The following VIPAS39 variants were observed in gnomAD, a reference collection of about 807,000 sequenced individuals.
VIPAS39 encodes VPS33B interacting protein, apical-basolateral polarity regulator, spe-39 homolog, also known as spermatogenesis-defective protein 39 homolog.
A neutral mutation model predicts 84.7 loss-of-function variants in VIPAS39; 63 were observed. That is an observed-to-expected ratio of 0.74 (90% CI 0.61 to 0.92). The LOEUF (loss-of-function observed/expected upper bound fraction) is 0.92, where lower values mean the gene tolerates loss of function less well. Ranked by LOEUF, VIPAS39 falls within the 40% of genes least tolerant of loss-of-function variation. The probability of loss-of-function intolerance (pLI) is 0.00; values close to 1 mark genes in which losing one functional copy is unlikely to be tolerated. For missense variants in VIPAS39, 499 were observed against 604.5 expected (o/e 0.83, Z 1.83); for synonymous variants, 192 against 216.5 (o/e 0.89, Z 0.99).
intron 1 of VIPAS39, among the ~76,000 whole-genome samples, chr14:77,455,968 G>T (rs1421495957): frequency 6.6e-6 from 1 of 152,222 alleles, no homozygotes; most frequent in Non-Finnish European, 1.5e-5. Context: ...AGGCAACCTT[G>T]AGTTCAAATC....
rs747043218 is a variant in VIPAS39, at chr14:77,437,792, T to G, written c.836+16A>C. ...AAAGGTATTTATACTTAAAATCATT[T>G]TTCCCCCATACTTACCCAACACAGG... On this transcript the variant is annotated intron_variant, in intron 12 of 19. Coordinates refer to ENST00000557658, the MANE Select transcript of VIPAS39 (RefSeq NM_001193315.2). 1 of 1,612,436 alleles carries G rather than the reference T, an allele frequency of 6.2e-7. No homozygotes were observed. Among genetic ancestry groups the G allele is most frequent in the South Asian group, 1.1e-5 (1 of 91,048 alleles).
At position 77,427,389 on chromosome 14, in the gene VIPAS39, G is replaced by A. The variant is rs1594887719; in HGVS notation, c.*227C>T. 2.6e-5 allele frequency: 15 copies of A among 587,292 alleles called. 1 individual carries two copies. Among genetic ancestry groups the A allele is most frequent in the South Asian group, 2.1e-4 (10 of 48,712 alleles). 36.4% of individuals were successfully genotyped at this position (587,292 alleles called of 1,614,324 possible). ...ACTCCCACCTTCATATGAGCACCAGGTGGAGAGAATCATTCTCATGACTCA... is the reference window on the plus strand; with the variant it reads ...ACTCCCACCTTCATATGAGCACCAGATGGAGAGAATCATTCTCATGACTCA... On this transcript the variant is annotated 3_prime_UTR_variant, in exon 20 of 20. Transcript: ENST00000557658.
At chr14:77,454,800 T>C (rs1020079075) in intron 1 of VIPAS39, among the ~76,000 whole-genome samples, 2 of 152,084 alleles carry the variant, frequency 1.3e-5, no homozygotes, top group Non-Finnish European at 2.9e-5. Flanking sequence ...TCAAAAAACT[T>C]TGCTGAATAC....
intron 3 of VIPAS39, among the ~76,000 whole-genome samples, chr14:77,452,053 TTGAAAAA>T (rs1566739185): frequency 1.2e-3 from 186 of 152,174 alleles, no homozygotes; most frequent in African/African-American, 4.2e-3. Flanking sequence ...GAGCAAAAGA[TTGAAAAA>T]TCTAAAATTC....
Position 77,429,781 on chromosome 14 carries a change from A to G in VIPAS39, c.1180-14T>C, listed in dbSNP as rs1438285781. 2 of 1,613,194 alleles carry G rather than the reference A, an allele frequency of 1.2e-6. No individual in the cohort carries two copies. Among genetic ancestry groups the G allele is most frequent in the Admixed American group, 3.3e-5 (2 of 60,026 alleles). ...GCCCAGCCAGTTCTGAAAGAGGAAGATGGGGTAGCGGCAGGTAGGCCAGGC... is the reference window on the plus strand; with the variant it reads ...GCCCAGCCAGTTCTGAAAGAGGAAGGTGGGGTAGCGGCAGGTAGGCCAGGC... On this transcript the variant is annotated splice_polypyrimidine_tract_variant and intron_variant, in intron 16 of 19. Transcript: ENST00000557658.
At chr14:77,452,779 CA>C (rs11418833) in intron 3 of VIPAS39, among the ~76,000 whole-genome samples, 4,143 of 106,578 alleles carry the variant, frequency 0.039, 107 homozygotes, top group African/African-American at 0.11. Flanking sequence ...GACTCCATCT[CA>C]AAAAAAAAAA....
At chr14:77,448,695 G>A (rs1246686117) in intron 6 of VIPAS39, 145 bp from the exon 7 acceptor site, 2 of 896,764 alleles carry the variant, frequency 2.2e-6, no homozygotes, top group African/African-American at 1.7e-5. Flanking sequence ...TGAAGAAATG[G>A]GACGGTTTTG....
At position 77,457,487 on chromosome 14, in the gene VIPAS39, A is replaced by G; in HGVS notation, c.-1+8T>C. 6.5e-6 allele frequency: 8 copies of G among 1,238,970 alleles called. No homozygotes were observed. Among genetic ancestry groups the G allele is most frequent in the Non-Finnish European group, 9.1e-6 (8 of 883,484 alleles). The allele number at this position is 1,238,970 out of a possible 1,614,324, so 76.7% of individuals were successfully genotyped here. On this transcript the variant is annotated splice_region_variant and intron_variant, in intron 1 of 19. Coordinates refer to ENST00000557658, the MANE Select transcript of VIPAS39 (RefSeq NM_001193315.2). ...ATACGCGACCCAAGGGGCTTGGGACACCCTCACCTCTTCCGCACAGAGCCC... is the reference window on the plus strand; with the variant it reads ...ATACGCGACCCAAGGGGCTTGGGACGCCCTCACCTCTTCCGCACAGAGCCC...
intron 11 of VIPAS39, chr14:77,440,181 G>A (rs1326065851): frequency 6.7e-6 from 1 of 149,472 alleles, no homozygotes; most frequent in Non-Finnish European, 1.5e-5. Context: ...ACCGTGCTTG[G>A]CTGGAAATTC....
chr14:77,454,615 G>C (rs1328364040), intron 1 of VIPAS39, among the ~76,000 whole-genome samples: 1 of 150,838 alleles, frequency 6.6e-6, no homozygotes, highest in Non-Finnish European at 1.5e-5. Context: ...CAGAGGTTGC[G>C]GTGAGCAGAG....
intron 7 of VIPAS39, among the ~76,000 whole-genome samples, chr14:77,445,364 C>A (rs2078772047): frequency 6.6e-6 from 1 of 152,154 alleles, no homozygotes. Flanking sequence ...TGTGTCTGGT[C>A]AACTCTTGTG....
chr14:77,448,778 A>G (rs2078837837), intron 6 of VIPAS39, among the ~76,000 whole-genome samples: 1 of 152,188 alleles, frequency 6.6e-6, no homozygotes, highest in Non-Finnish European at 1.5e-5. Context: ...GGAGGAGCCA[A>G]TTGACAAAGC....
chr14:77,429,377 A>C (rs1594890499), intron 17 of VIPAS39, among the ~76,000 whole-genome samples: 1 of 152,116 alleles, frequency 6.6e-6, no homozygotes, highest in African/African-American at 2.4e-5. Flanking sequence ...TGCTCTGCTC[A>C]TTTCTCCCTG....
At position 77,438,504 on chromosome 14, in the gene VIPAS39, C is replaced by T. The variant is rs951125880; in HGVS notation, c.763-623G>A. ...TTGGTCTCCCAGTGTGCTGGGATTA[C>T]AGGCGTGAGCCACCACGCCCGGCCC... On this transcript the variant is annotated intron_variant, in intron 11 of 19. Coordinates refer to ENST00000557658, the MANE Select transcript of VIPAS39 (RefSeq NM_001193315.2). Among the ~76,000 whole-genome samples the T allele has an allele frequency of 4.7e-4, 71 of 152,242 alleles. 1 individual carries two copies. Among genetic ancestry groups the T allele is most frequent in the African/African-American group, 1.6e-3 (67 of 41,476 alleles).
rs901072810 is a variant in VIPAS39, at chr14:77,428,304, T to C, written c.1461+66A>G. The C allele has an allele frequency of 3.5e-6, 5 of 1,410,928 alleles. No homozygotes were observed. In the Admixed American group the frequency reaches 7.1e-5, roughly 20 times the overall value. The allele number at this position is 1,410,928 out of a possible 1,614,324, so 87.4% of individuals were successfully genotyped here. On this transcript the variant is annotated intron_variant, in intron 19 of 19. Transcript: ENST00000557658. ...TCCTTCCAGACCTTGGGAACATACA[T>C]TTGGTACTATTTTGTGAACTGTCTG...
At chr14:77,448,590 A>G (rs373314908) in intron 6 of VIPAS39, 40 bp from the exon 7 acceptor site, 32 of 1,608,186 alleles carry the variant, frequency 2.0e-5, no homozygotes, top group Non-Finnish European at 2.4e-5. Context: ...GAAGTTAAGG[A>G]ATCAAATTTA....
intron 7 of VIPAS39, among the ~76,000 whole-genome samples, chr14:77,446,208 T>G (rs925595603): frequency 2.6e-5 from 4 of 152,242 alleles, no homozygotes; most frequent in African/African-American, 4.8e-5. Context: ...AGAAGTTTTA[T>G]AGCTTTAACA....
At position 77,427,607 on chromosome 14, in the gene VIPAS39, CA is replaced by C; in HGVS notation, c.*8del. The stretch of plus-strand genomic sequence containing the variant: ...GAAATGAGGCAGGCTTCAAGGTAGT[CA>C]ATGCCACTTAATTCTTCCATCGAAT... On this transcript the variant is annotated 3_prime_UTR_variant, in exon 20 of 20. Transcript: ENST00000557658. 6.2e-7 allele frequency: 1 copy of C among 1,614,170 alleles called. No individual in the cohort carries two copies. Among genetic ancestry groups the C allele is most frequent in the Non-Finnish European group, 8.5e-7 (1 of 1,180,044 alleles).
intron 13 of VIPAS39, among the ~76,000 whole-genome samples, chr14:77,435,596 C>T (rs935444334): frequency 6.6e-6 from 1 of 152,014 alleles, no homozygotes; most frequent in African/African-American, 2.4e-5. Context: ...TGGATGGAAA[C>T]AAATAGAAGT....
Sources: gnomAD v4.1 joint callset for allele counts (sites outside exome capture counted in the v4.1 genomes callset) on GRCh38, gnomAD v4.1.1 for gene constraint, MANE v1.5 for transcripts, NCBI Gene and HGNC (gene_info 2026-07-23, HGNC 2026-07-21) for gene names.